The following PDE4B variants were observed in gnomAD, a reference collection of about 807,000 sequenced individuals.
The protein encoded by PDE4B is phosphodiesterase 4B.
Under a neutral mutation model 82.2 loss-of-function variants are expected in PDE4B, and 20 were observed. That is an observed-to-expected ratio of 0.24 (90% CI 0.17 to 0.35). The LOEUF is 0.35. Ranked by LOEUF, PDE4B falls within the 10% of genes least tolerant of loss-of-function variation. The pLI is 1.00. For synonymous variants in PDE4B, 320 were observed against 318.9 expected, an observed-to-expected ratio of 1.00 and a Z score of -0.04; for missense variants, 655 against 907.2, an observed-to-expected ratio of 0.72 and a Z score of 3.57.
chr1:65,849,706 A>G (rs1380504267), intron 1 of PDE4B, among the ~76,000 whole-genome samples: 1 of 150,196 alleles, frequency 6.7e-6, no homozygotes, highest in Non-Finnish European at 1.5e-5. Context: ...GCACTGCAGA[A>G]AAAGAAAAAA....
chr1:65,810,664 C>T (rs956591416), intron 1 of PDE4B, among the ~76,000 whole-genome samples: 1 of 152,194 alleles, frequency 6.6e-6, no homozygotes, highest in African/African-American at 2.4e-5. Flanking sequence ...TTACACAGAG[C>T]CAGGATTCAA....
intron 3 of PDE4B, among the ~76,000 whole-genome samples, chr1:66,182,102 C>T (rs1373254804): frequency 6.6e-6 from 1 of 152,126 alleles, no homozygotes; most frequent in African/African-American, 2.4e-5. Context: ...AAGCAGTTGG[C>T]TCTGCTTCTT....
intron 1 of PDE4B, among the ~76,000 whole-genome samples, chr1:65,857,810 G>T (rs1051792143): frequency 1.3e-5 from 2 of 152,056 alleles, no homozygotes; most frequent in African/African-American, 4.8e-5. Flanking sequence ...TTAATGACTA[G>T]TTACTTGTGC....
chr1:65,864,139 G>C (rs927787532), intron 1 of PDE4B, among the ~76,000 whole-genome samples: 6 of 151,402 alleles, frequency 4.0e-5, no homozygotes, highest in African/African-American at 1.5e-4. Context: ...TCTTCCTTCT[G>C]CTTGATCAAT....
intron 3 of PDE4B, among the ~76,000 whole-genome samples, chr1:66,007,860 C>T (rs577673805): frequency 1.5e-4 from 23 of 152,122 alleles, no homozygotes; most frequent in Non-Finnish European, 2.6e-4. Flanking sequence ...TCAGGAAGGT[C>T]GATTAATTGA....
At chr1:66,126,279 C>T (rs1404165890) in intron 3 of PDE4B, among the ~76,000 whole-genome samples, 1 of 152,120 alleles carries the variant, frequency 6.6e-6, no homozygotes, top group Non-Finnish European at 1.5e-5. Context: ...AACATGAACA[C>T]AAAGGTCAGT....
At chr1:66,267,173 TGAAA>T (rs760103270) in intron 7 of PDE4B, 64 of 153,872 alleles carry the variant, frequency 4.2e-4, no homozygotes, top group Middle Eastern at 3.4e-3. Flanking sequence ...GAAAAAAAAG[TGAAA>T]GAAAGATACT....
intron 1 of PDE4B, among the ~76,000 whole-genome samples, chr1:65,825,702 TTACC>T (rs34674397): frequency 0.4 from 51,823 of 130,150 alleles, 9,586 homozygotes; most frequent in Non-Finnish European, 0.45. Flanking sequence ...AAAAACAAAA[TTACC>T]TATCTATCTA....
chr1:66,323,530 C>A (rs1407127410), intron 7 of PDE4B, among the ~76,000 whole-genome samples: 1 of 152,082 alleles, frequency 6.6e-6, no homozygotes, highest in Non-Finnish European at 1.5e-5. Context: ...TCATGATGTG[C>A]CTACAACATA....
At chr1:66,360,084 T>C (rs1662629897) in intron 9 of PDE4B, among the ~76,000 whole-genome samples, 1 of 152,114 alleles carries the variant, frequency 6.6e-6, no homozygotes, top group South Asian at 2.1e-4. Context: ...ACTGATTCAG[T>C]AGGATTGGGT....
chr1:66,093,177 G>C (rs980359178), intron 3 of PDE4B, among the ~76,000 whole-genome samples: 2 of 152,012 alleles, frequency 1.3e-5, no homozygotes, highest in African/African-American at 4.8e-5. Flanking sequence ...CTGAAGTCCA[G>C]CAGCAGTGTC....
At chr1:66,079,126 ACT>A (rs1656586967) in intron 3 of PDE4B, among the ~76,000 whole-genome samples, 1 of 145,812 alleles carries the variant, frequency 6.9e-6, no homozygotes, top group East Asian at 2.0e-4. Flanking sequence ...CTCTGAACAC[ACT>A]CTCTCACTGT....
intron 3 of PDE4B, among the ~76,000 whole-genome samples, chr1:65,955,652 T>C (rs1649221709): frequency 6.6e-6 from 1 of 152,132 alleles, no homozygotes; most frequent in African/African-American, 2.4e-5. Context: ...CAGGGTGTTA[T>C]CCTTTCTCTG....
chr1:65,875,245 T>C (rs1304668181), intron 1 of PDE4B, among the ~76,000 whole-genome samples: 1 of 150,346 alleles, frequency 6.7e-6, no homozygotes, highest in African/African-American at 2.4e-5. Context: ...TCAAAACCAC[T>C]ATGAGATACC....
chr1:66,310,705 G>C (rs144674503), intron 7 of PDE4B, among the ~76,000 whole-genome samples: 1 of 152,204 alleles, frequency 6.6e-6, no homozygotes, highest in Non-Finnish European at 1.5e-5. Context: ...TGCCCCCACT[G>C]TACAGCTACG....
At position 66,374,498 on chromosome 1, in the gene PDE4B, GTATTAT is replaced by G. The variant is rs202242622; in HGVS notation, c.*1827_*1832del. ...AATGTTTCTCACAATGTATGTTATA[GTATTAT>G]TATTATATATTGTGTTCAAATGCAT... On this transcript the variant is annotated 3_prime_UTR_variant, in exon 17 of 17. Coordinates refer to ENST00000341517, the MANE Select transcript of PDE4B (RefSeq NM_002600.4). 2 of 152,568 alleles carry G rather than the reference GTATTAT, an allele frequency of 1.3e-5. No individual in the cohort carries two copies. Among genetic ancestry groups the G allele is most frequent in the Non-Finnish European group, 2.9e-5 (2 of 68,020 alleles). The allele number at this position is 152,568 out of a possible 1,614,324, so 9.5% of individuals were successfully genotyped here. A position where few individuals can be genotyped will look rare whatever the true frequency, so the allele number is the denominator to read the frequency against.
chr1:66,185,027 C>G (rs1647154895), intron 3 of PDE4B, among the ~76,000 whole-genome samples: 2 of 152,008 alleles, frequency 1.3e-5, no homozygotes, highest in Non-Finnish European at 2.9e-5. Context: ...GTGTGATGTT[C>G]CCCTTCCTGT....
chr1:66,146,359 A>T (rs2455037), intron 3 of PDE4B, among the ~76,000 whole-genome samples: 1 of 151,260 alleles, frequency 6.6e-6, no homozygotes. Flanking sequence ...ATTTTTTTGT[A>T]TTTTTAGTGG....
At chr1:65,931,000 G>A (rs1170779832) in intron 3 of PDE4B, among the ~76,000 whole-genome samples, 2 of 152,202 alleles carry the variant, frequency 1.3e-5, no homozygotes, top group African/African-American at 4.8e-5. Flanking sequence ...GGACCTGGTG[G>A]GAGGTGATTG....
Sources: gnomAD v4.1 joint callset for allele counts (sites outside exome capture counted in the v4.1 genomes callset) on GRCh38, gnomAD v4.1.1 for gene constraint, MANE v1.5 for transcripts, NCBI Gene and HGNC (gene_info 2026-07-23, HGNC 2026-07-21) for gene names.